Variants in ITIH2 observed in about 807,000 individuals in gnomAD.
ITIH2 encodes the protein inter-alpha-trypsin inhibitor heavy chain H2.
In ITIH2, 103 loss-of-function variants were observed where a neutral mutation model predicts 104.4. The observed-to-expected ratio is 0.99, with a 90% CI of 0.84 to 1.16. The LOEUF (loss-of-function observed/expected upper bound fraction) is 1.16. ITIH2 is among the 50% of genes most tolerant of loss of function. The pLI is 0.00. For missense variants in ITIH2, 1,108 were observed against 1,162.4 expected (o/e 0.95, Z 0.68); for synonymous variants, 436 against 435.4 (o/e 1.00, Z -0.02).
At chr10:7,743,956 A>T in intron 17 of ITIH2, 126 bp from the exon 18 acceptor site, 1 of 560,756 alleles carries the variant, frequency 1.8e-6, no homozygotes, top group Non-Finnish European at 3.0e-6. Context: ...ATGTTAATGT[A>T]AATCTTGAAG....
rs577341834 is a variant in ITIH2, at chr10:7,721,534, G to A, written c.739-115G>A. 83 of 903,692 alleles carry A rather than the reference G, an allele frequency of 9.2e-5. 1 individual carries two copies. In the Middle Eastern group the frequency reaches 9.3e-4, roughly 10 times the overall value. 56.0% of individuals were successfully genotyped at this position (903,692 alleles called of 1,614,324 possible). The stretch of plus-strand genomic sequence containing the variant: ...TCAGTAATGGGTCCACCGATATCGC[G>A]GGGATTCAGAACGTCCATTGGGCAG... On this transcript the variant is annotated intron_variant, in intron 7 of 20. Transcript: ENST00000358415.
At chr10:7,711,365 C>T (rs1177526841) in intron 4 of ITIH2, among the ~76,000 whole-genome samples, 1 of 152,152 alleles carries the variant, frequency 6.6e-6, no homozygotes, top group African/African-American at 2.4e-5. Context: ...AGGACAGAAT[C>T]GTGAAACATG....
chr10:7,723,659 C>A (rs1834927743), intron 9 of ITIH2, 92 bp downstream of exon 9: 4 of 838,244 alleles, frequency 4.8e-6, no homozygotes, highest in Non-Finnish European at 4.1e-6. Flanking sequence ...CTCCTCCCTG[C>A]TTAGGGCTGA....
intron 4 of ITIH2, among the ~76,000 whole-genome samples, chr10:7,711,481 C>T (rs1308824671): frequency 6.6e-6 from 1 of 152,126 alleles, no homozygotes; most frequent in Admixed American, 6.5e-5. Flanking sequence ...TATGTACTAG[C>T]CAAAATATCC....
At chr10:7,746,391 A>T (rs1174525138) in intron 19 of ITIH2, among the ~76,000 whole-genome samples, 1 of 151,982 alleles carries the variant, frequency 6.6e-6, no homozygotes, top group East Asian at 1.9e-4. Flanking sequence ...AAAAAATAAA[A>T]ATAAAAAAAA....
intron 9 of ITIH2, 130 bp from the exon 10 acceptor site, chr10:7,726,820 G>C: frequency 4.1e-6 from 3 of 729,108 alleles, no homozygotes; most frequent in Non-Finnish European, 6.5e-6. Context: ...GTGGGCTCAA[G>C]AGGTTTTCTG....
At chr10:7,733,737 T>C (rs1835025493) in intron 14 of ITIH2, among the ~76,000 whole-genome samples, 1 of 152,036 alleles carries the variant, frequency 6.6e-6, no homozygotes. Context: ...ACAGAGGTGT[T>C]TGATAAAAGT....
rs1228772889 is a variant in ITIH2 at position 7,738,699 on chromosome 10, C to T, written c.2036C>T (p.Ser679Phe). Residue 679 changes from serine (S) to phenylalanine (F), a missense_variant, in exon 16 of 21, where the codon TCC (serine) becomes TTC (phenylalanine). Ser to Phe is a radical substitution (Grantham distance 155, BLOSUM62 -2). Coordinates refer to ENST00000358415, the MANE Select transcript of ITIH2 (RefSeq NM_002216.3). Reference protein sequence around the residue: ...WANPSPTPVISMLAQGSQVLE... With the variant: ...WANPSPTPVIFMLAQGSQVLE... ...AATCCTTCACCAACGCCCGTGATCT[C>T]CATGCTGGCACAAGGATCTCAGGTG... 6.2e-7 allele frequency: 1 copy of T among 1,613,712 alleles called. No homozygotes were observed. Among genetic ancestry groups the T allele is most frequent in the Admixed American group, 1.7e-5 (1 of 59,992 alleles).
Position 7,727,106 on chromosome 10 carries a change from C to T in ITIH2, c.1141C>T (p.Gln381Ter). Reference sequence around the variant, plus strand: ...TGCCAAGAGGTATATTGAGAAAATCCAGCCCAGTGGAGGTGAGTGTGTTGG... The same window carrying T: ...TGCCAAGAGGTATATTGAGAAAATCTAGCCCAGTGGAGGTGAGTGTGTTGG... Reference protein sequence around the residue: ...ADAKRYIEKIQPSGGTNINEA... With the variant: ...ADAKRYIEKI The change falls in exon 10 of 21, where the codon CAG becomes TAG. Residue 381 changes from glutamine to a stop codon, truncating the protein, a stop_gained. Coordinates refer to ENST00000358415, the MANE Select transcript of ITIH2 (RefSeq NM_002216.3). LOFTEE classifies it high-confidence loss of function. The T allele has an allele frequency of 6.2e-7, 1 of 1,613,536 alleles. No homozygotes were observed. Among genetic ancestry groups the T allele is most frequent in the Non-Finnish European group, 8.5e-7 (1 of 1,179,668 alleles).
chr10:7,738,482 A>G (rs1835092906), intron 15 of ITIH2, 139 bp from the exon 16 acceptor site: 3 of 893,708 alleles, frequency 3.4e-6, no homozygotes, highest in Non-Finnish European at 5.3e-6. Flanking sequence ...GGAGCCCGAG[A>G]GAACTCTGGA....
rs756497031 is a variant in ITIH2, at chr10:7,727,791, G to C, written c.1242G>C (p.Ser414=). Residue 414 remains serine (S), a synonymous_variant, in exon 11 of 21, where the codon TCG becomes TCC. Transcript: ENST00000358415. ...NLGLLDPNSV[S]LIILVSDGDP... is the part of the protein sequence containing the mutation. ...GACTGTTAGACCCCAACTCCGTCTC[G>C]CTGATCATTTTGGTTTCTGATGGAG... 2 of 1,614,130 alleles carry C rather than the reference G, an allele frequency of 1.2e-6. No individual in the cohort carries two copies.
intron 5 of ITIH2, among the ~76,000 whole-genome samples, chr10:7,714,452 G>A (rs7906651): frequency 0.051 from 7,825 of 152,146 alleles, 589 homozygotes; most frequent in African/African-American, 0.17. Context: ...GATTACAGGC[G>A]TGAGCCACTG....
At chr10:7,725,817 G>A (rs982806955) in intron 9 of ITIH2, among the ~76,000 whole-genome samples, 1 of 152,218 alleles carries the variant, frequency 6.6e-6, no homozygotes, top group Non-Finnish European at 1.5e-5. Context: ...ATTGGGACTA[G>A]GTGAGAATGC....
chr10:7,745,662 CTT>C (rs1381502577), intron 19 of ITIH2, among the ~76,000 whole-genome samples: 2 of 151,924 alleles, frequency 1.3e-5, no homozygotes, highest in Non-Finnish European at 2.9e-5. Flanking sequence ...GGTGGGATCT[CTT>C]GAGCCCCGGA....
chr10:7,714,165 A>ATTTTTTTTTTTTTTTTTT (rs996413668), intron 5 of ITIH2, among the ~76,000 whole-genome samples: 6 of 84,042 alleles, frequency 7.1e-5, no homozygotes, highest in African/African-American at 2.0e-4. Context: ...CACACTCACT[A>ATTTTTTTTTTTTTTTTTT]TTTTTTTTTT....
In ITIH2 at chr10:7,731,863, AT is replaced by A; in HGVS notation, c.1515del (p.His507IlefsTer35). 6.2e-7 allele frequency: 1 copy of A among 1,613,900 alleles called. No individual in the cohort carries two copies. Among genetic ancestry groups the A allele is most frequent in the Non-Finnish European group, 8.5e-7 (1 of 1,179,748 alleles). Reference protein sequence around the residue: ...TPLLRNVQFNYPHTSVTDVTQ... With the variant: ...TPLLRNVQFNXPHTSVTDVTQ... The stretch of plus-strand genomic sequence containing the variant: ...TTGCTCCGGAATGTTCAGTTCAACT[AT>A]CCCCATACATCAGTCACGGACGTCA... On this transcript the variant is annotated frameshift_variant, in exon 13 of 21. Transcript: ENST00000358415. LOFTEE classifies it high-confidence loss of function.
At chr10:7,744,354 C>G in intron 18 of ITIH2, 74 bp downstream of exon 18, 3 of 1,206,856 alleles carry the variant, frequency 2.5e-6, no homozygotes, top group Non-Finnish European at 3.6e-6. Context: ...GCATCAGTGA[C>G]ATCAACATTG....
At chr10:7,722,006 T>C in intron 8 of ITIH2, among the ~76,000 whole-genome samples, 1 of 152,142 alleles carries the variant, frequency 6.6e-6, no homozygotes, top group Admixed American at 6.6e-5. Flanking sequence ...AGGGCATTCC[T>C]GGGCCTCATG....
In ITIH2 at chr10:7,737,660, C is replaced by A. The variant is rs865987445; in HGVS notation, c.1958-961C>A. Among the ~76,000 whole-genome samples the A allele has an allele frequency of 3.9e-4, 12 of 30,646 alleles. 2 individuals are homozygous for A. Among genetic ancestry groups the A allele is most frequent in the South Asian group, 2.9e-3 (3 of 1,036 alleles). The allele number at this position is 30,646 out of a possible 152,430, so 20.1% of individuals were successfully genotyped here. On this transcript the variant is annotated intron_variant, in intron 15 of 20. Transcript: ENST00000358415. ...TCTATAGAATATTCTATATTATATTCTATATTATATTCTATATTTTCTATA... is the reference window on the plus strand; with the variant it reads ...TCTATAGAATATTCTATATTATATTATATATTATATTCTATATTTTCTATA...
Sources: allele counts gnomAD v4.1 joint callset (sites outside exome capture counted in the v4.1 genomes callset), GRCh38; gene constraint gnomAD v4.1.1; transcripts MANE v1.5; gene names NCBI Gene and HGNC (gene_info 2026-07-23, HGNC 2026-07-21).